The following FAM124A variants were observed in gnomAD, a reference collection of about 807,000 sequenced individuals.
FAM124A encodes the protein protein FAM124A.
FAM124A carries 23 observed loss-of-function variants against 24.5 expected under a neutral mutation model. That is an observed-to-expected ratio of 0.94 (90% CI 0.68 to 1.33). The LOEUF is 1.33. Ranked by LOEUF, FAM124A falls within the 40% of genes most tolerant of loss-of-function variation. The pLI is 0.00. For synonymous variants in FAM124A, 287 were observed against 314.7 expected, an observed-to-expected ratio of 0.91 and a Z score of 0.93; for missense variants, 623 against 722.8, an observed-to-expected ratio of 0.86 and a Z score of 1.58.
intron 2 of FAM124A, 99 bp downstream of exon 2, chr13:51,231,478 A>G (rs1297615393): frequency 7.8e-7 from 1 of 1,285,702 alleles, no homozygotes; most frequent in Non-Finnish European, 1.1e-6. Context: ...AGTAGGTAAG[A>G]ATCACCAAAG....
In FAM124A at chr13:51,222,558, C is replaced by T; in HGVS notation, c.57C>T (p.Ala19=). The change falls in exon 1 of 4, where the codon GCC becomes GCT. Residue 19 remains alanine (A), a synonymous_variant. Coordinates refer to ENST00000322475, the MANE Select transcript of FAM124A (RefSeq NM_001242312.2). ...GEEDDCVDSG[A]ETGGSDYSHL... The stretch of plus-strand genomic sequence containing the variant: ...AGGACGACTGCGTGGACTCGGGCGC[C>T]GAGACCGGAGGGTGAGCCGCGCCGG... 4 of 1,226,722 alleles carry T rather than the reference C, an allele frequency of 3.3e-6. No homozygotes were observed. The highest frequency in any genetic ancestry group is 4.1e-6 in the Non-Finnish European group (4 of 986,040). The allele number at this position is 1,226,722 out of a possible 1,614,324, so 76.0% of individuals were successfully genotyped here. A position where few individuals can be genotyped will look rare whatever the true frequency, so the allele number is the denominator to read the frequency against.
At chr13:51,268,303 C>T (rs533630128) in intron 3 of FAM124A, among the ~76,000 whole-genome samples, 19 of 152,206 alleles carry the variant, frequency 1.2e-4, no homozygotes, top group African/African-American at 4.6e-4. Flanking sequence ...GTAATGAGAA[C>T]GGCTGAAGAA....
chr13:51,223,328 G>T (rs1954281447), intron 1 of FAM124A, among the ~76,000 whole-genome samples: 1 of 152,114 alleles, frequency 6.6e-6, no homozygotes, highest in South Asian at 2.1e-4. Context: ...TTTAGGAGAT[G>T]AATGTCGTTA....
chr13:51,239,069 C>G (rs997885092), intron 2 of FAM124A, among the ~76,000 whole-genome samples: 11 of 152,272 alleles, frequency 7.2e-5, no homozygotes, highest in South Asian at 2.1e-4. Context: ...CTTTCTCCCC[C>G]CTTGAAAAGC....
At chr13:51,259,305 C>T (rs975259362) in intron 3 of FAM124A, among the ~76,000 whole-genome samples, 3 of 152,192 alleles carry the variant, frequency 2.0e-5, no homozygotes, top group African/African-American at 7.2e-5. Context: ...TCATGTGACT[C>T]CTGCCCAGAA....
At chr13:51,224,644 C>G (rs1012112188) in intron 1 of FAM124A, among the ~76,000 whole-genome samples, 14 of 152,298 alleles carry the variant, frequency 9.2e-5, no homozygotes, top group Middle Eastern at 6.8e-3. Flanking sequence ...AGCTTGCCCC[C>G]ACCCCTTACC....
intron 3 of FAM124A, among the ~76,000 whole-genome samples, chr13:51,265,146 G>T (rs1168222040): frequency 6.6e-6 from 1 of 152,176 alleles, no homozygotes; most frequent in Non-Finnish European, 1.5e-5. Flanking sequence ...CACACAGCTG[G>T]AGGAGCTGGT....
chr13:51,276,456 C>T (rs1342839652), intron 3 of FAM124A, among the ~76,000 whole-genome samples: 1 of 152,216 alleles, frequency 6.6e-6, no homozygotes, highest in Non-Finnish European at 1.5e-5. Flanking sequence ...ATTTGCTCAA[C>T]CGCCATCCTG....
rs1954959136 is a variant in FAM124A at position 51,283,494 on chromosome 13, G to C, written c.*2238G>C. The C allele has an allele frequency of 6.6e-6, 1 of 152,170 alleles. No homozygotes were observed. Among genetic ancestry groups the C allele is most frequent in the Non-Finnish European group, 1.5e-5 (1 of 68,064 alleles). The allele number at this position is 152,170 out of a possible 1,614,324, so 9.4% of individuals were successfully genotyped here. On this transcript the variant is annotated 3_prime_UTR_variant, in exon 4 of 4. Coordinates refer to ENST00000322475, the MANE Select transcript of FAM124A (RefSeq NM_001242312.2). ...TCTAAGTCTCCCGCCTAATGCTGCT[G>C]TGGTGTGTCATGCCAAAAAAGTGGG...
chr13:51,252,408 A>G (rs1186791475), intron 3 of FAM124A: 11 of 658,258 alleles, frequency 1.7e-5, no homozygotes, highest in Non-Finnish European at 2.7e-5. Flanking sequence ...GGTTCTCTTC[A>G]TTTCACTTTC....
chr13:51,238,990 A>T (rs917121314), intron 2 of FAM124A, among the ~76,000 whole-genome samples: 1 of 152,184 alleles, frequency 6.6e-6, no homozygotes, highest in African/African-American at 2.4e-5. Flanking sequence ...GTGTGACTTC[A>T]ACTCGACAGA....
intron 3 of FAM124A, among the ~76,000 whole-genome samples, chr13:51,264,064 TG>T (rs917997505): frequency 2.0e-5 from 3 of 152,226 alleles, no homozygotes; most frequent in African/African-American, 2.4e-5. Flanking sequence ...ATGTTTTTCA[TG>T]TGGCCAAGGA....
chr13:51,255,382 A>G (rs1348449456), intron 3 of FAM124A, among the ~76,000 whole-genome samples: 1 of 152,188 alleles, frequency 6.6e-6, no homozygotes, highest in Non-Finnish European at 1.5e-5. Context: ...CCTCACTGGC[A>G]CTAGACACAT....
chr13:51,243,472 T>G lies in FAM124A; in HGVS notation c.101-7996T>G, dbSNP rs1222859484. On this transcript the variant is annotated intron_variant, in intron 2 of 3. Transcript: ENST00000322475. ...GGAGGCTAGCCCTCTGCAAGTTTTGTGTTCAGCGTCACCCAGAGCCTTTTT... is the reference window on the plus strand; with the variant it reads ...GGAGGCTAGCCCTCTGCAAGTTTTGGGTTCAGCGTCACCCAGAGCCTTTTT... 2.6e-5 allele frequency among the ~76,000 whole-genome samples: 4 copies of G among 152,184 alleles called. No individual in the cohort carries two copies. In the East Asian group the frequency reaches 7.7e-4, roughly 29 times the overall value.
At chr13:51,224,569 T>G (rs1205869103) in intron 1 of FAM124A, among the ~76,000 whole-genome samples, 2 of 152,222 alleles carry the variant, frequency 1.3e-5, no homozygotes, top group African/African-American at 2.4e-5. Context: ...GTGTTTGCCA[T>G]ATATTCACAG....
In FAM124A at chr13:51,272,563, T is replaced by TTC. The variant is rs1555275487; in HGVS notation, c.835-7886_835-7885insCT. On this transcript the variant is annotated intron_variant, in intron 3 of 3. Coordinates refer to ENST00000322475, the MANE Select transcript of FAM124A (RefSeq NM_001242312.2). This position sits in a 1 kb window ranked among gnomAD's most constrained non-coding sequence, Gnocchi z 4.2. ...GCCACCTATTTTTGTAAATAAAGCCTTATACACACACACACACACACACAC... is the reference window on the plus strand; with the variant it reads ...GCCACCTATTTTTGTAAATAAAGCCTTCTATACACACACACACACACACACAC... 2.5e-5 allele frequency among the ~76,000 whole-genome samples: 2 copies of TTC among 80,880 alleles called. No individual in the cohort carries two copies. The highest frequency in any genetic ancestry group is 1.2e-4 in the African/African-American group (2 of 16,526). The allele number at this position is 80,880 out of a possible 152,430, so 53.1% of individuals were successfully genotyped here.
intron 3 of FAM124A, among the ~76,000 whole-genome samples, chr13:51,267,842 C>G (rs767367830): frequency 4.5e-4 from 69 of 152,184 alleles, no homozygotes; most frequent in Admixed American, 7.9e-4. Context: ...CCCATTCACA[C>G]AGAAGTGCCG....
intron 3 of FAM124A, among the ~76,000 whole-genome samples, chr13:51,266,408 G>A (rs1439186600): frequency 6.6e-6 from 1 of 151,920 alleles, no homozygotes; most frequent in Admixed American, 6.5e-5. Context: ...GAATCTACCC[G>A]TCCAACCCCA....
chr13:51,228,630 A>G (rs1313643966), intron 1 of FAM124A, among the ~76,000 whole-genome samples: 4 of 152,194 alleles, frequency 2.6e-5, no homozygotes, highest in Non-Finnish European at 5.9e-5. Flanking sequence ...ACTTGTCCAG[A>G]GTACAGACTT....
Sources: gnomAD v4.1 joint callset for allele counts (sites outside exome capture counted in the v4.1 genomes callset) on GRCh38, gnomAD v4.1.1 for gene constraint, Gnocchi (gnomAD v3.1) non-coding constraint, MANE v1.5 for transcripts, NCBI Gene and HGNC (gene_info 2026-07-23, HGNC 2026-07-21) for gene names.